The following DCDC1 variants were observed in gnomAD, a reference collection of about 807,000 sequenced individuals.
DCDC1 encodes doublecortin domain containing 1, also known as doublecortin domain-containing protein 1.
Under a neutral mutation model 178.3 loss-of-function variants are expected in DCDC1, and 200 were observed. The observed-to-expected ratio is 1.12, with a 90% CI of 1.00 to 1.26. The LOEUF (loss-of-function observed/expected upper bound fraction) is 1.26. Ranked by LOEUF, DCDC1 falls within the 50% of genes most tolerant of loss-of-function variation. The pLI is 0.00. For synonymous variants in DCDC1, 690 were observed against 604.8 expected (o/e 1.14, Z -2.07); for missense variants, 1,983 against 1,749.2 (o/e 1.13, Z -2.38).
chr11:31,201,325 A>C (rs917894931), intron 9 of DCDC1, among the ~76,000 whole-genome samples: 2 of 151,824 alleles, frequency 1.3e-5, no homozygotes, highest in African/African-American at 4.8e-5. Context: ...AATATGTATC[A>C]CCTATATACT....
chr11:30,886,721 T>A (rs999165531), intron 36 of DCDC1, among the ~76,000 whole-genome samples: 1 of 152,104 alleles, frequency 6.6e-6, no homozygotes, highest in East Asian at 1.9e-4. Flanking sequence ...TCAACATAAA[T>A]TTTGGGGCAC....
chr11:31,315,380 C>T (rs1396583156), intron 3 of DCDC1, among the ~76,000 whole-genome samples: 1 of 120,052 alleles, frequency 8.3e-6, no homozygotes, highest in African/African-American at 3.2e-5. Context: ...TACAGTGGTA[C>T]AGTCTCGGCT....
intron 36 of DCDC1, among the ~76,000 whole-genome samples, chr11:30,890,898 G>C (rs1398558122): frequency 6.6e-6 from 1 of 152,094 alleles, no homozygotes; most frequent in Admixed American, 6.5e-5. Flanking sequence ...TATTGATGAG[G>C]TTTTAAATTA....
At chr11:31,127,176 T>G (rs1961757911) in intron 11 of DCDC1, among the ~76,000 whole-genome samples, 1 of 152,190 alleles carries the variant, frequency 6.6e-6, no homozygotes, top group Admixed American at 6.6e-5. Flanking sequence ...TGTGAAAAAT[T>G]TGTTTCTTGG....
intron 9 of DCDC1, among the ~76,000 whole-genome samples, chr11:31,229,750 T>C (rs1350673155): frequency 6.6e-6 from 1 of 151,986 alleles, no homozygotes; most frequent in East Asian, 1.9e-4. Context: ...TTCTCCACAT[T>C]AACAAAATGA....
chr11:31,085,166 G>T (rs1957395235), intron 17 of DCDC1, among the ~76,000 whole-genome samples: 2 of 143,176 alleles, frequency 1.4e-5, no homozygotes, highest in African/African-American at 2.6e-5. Context: ...TGTTTTTAAG[G>T]TTTTTTTTTT....
rs1297212709 is a variant in DCDC1, at chr11:30,920,853, C to A, written c.3216G>T (p.Glu1072Asp). The change falls in exon 25 of 39, where the codon GAG (glutamate) becomes GAT (aspartate). Residue 1072 changes from glutamate to aspartate, a missense_variant. By Grantham distance (45) the Glu-to-Asp change is conservative (BLOSUM62 2). Transcript: ENST00000684477. The stretch of plus-strand genomic sequence containing the variant: ...TTTCTTCCGGTTCTGTAACTTGCTT[C>A]TCTTCTCCAAAAATTGCTACAGGTT... Reference protein sequence around the residue: ...VHKPVAIFGEEKQVTEPEEKQ... With the variant: ...VHKPVAIFGEDKQVTEPEEKQ... 1 of 1,613,616 alleles carries A rather than the reference C, an allele frequency of 6.2e-7. No individual in the cohort carries two copies. Among genetic ancestry groups the A allele is most frequent in the Admixed American group, 1.7e-5 (1 of 59,956 alleles).
intron 9 of DCDC1, among the ~76,000 whole-genome samples, chr11:31,161,043 A>AT (rs1386043865): frequency 6.6e-6 from 1 of 152,164 alleles, no homozygotes; most frequent in African/African-American, 2.4e-5. Context: ...CATTGCAGGA[A>AT]TTTTTTAAAA....
At chr11:31,127,094 T>G (rs570926429) in intron 11 of DCDC1, among the ~76,000 whole-genome samples, 1 of 152,338 alleles carries the variant, frequency 6.6e-6, no homozygotes, top group South Asian at 2.1e-4. Flanking sequence ...CTATTGCCAC[T>G]GTCTGTCAAC....
At chr11:30,902,094 A>C (rs1195363104) in intron 32 of DCDC1, among the ~76,000 whole-genome samples, 1 of 152,148 alleles carries the variant, frequency 6.6e-6, no homozygotes, top group African/African-American at 2.4e-5. Context: ...ATATATAGAT[A>C]TACTTGCTAT....
intron 38 of DCDC1, among the ~76,000 whole-genome samples, chr11:30,875,098 G>A (rs1941993883): frequency 6.6e-6 from 1 of 152,024 alleles, no homozygotes; most frequent in Non-Finnish European, 1.5e-5. Context: ...TTCCAGACTC[G>A]TAGAATTAGA....
At chr11:31,265,484 T>C (rs1945090115) in intron 8 of DCDC1, 23 bp downstream of exon 8, 6 of 1,286,106 alleles carry the variant, frequency 4.7e-6, no homozygotes, top group Admixed American at 2.6e-5. Flanking sequence ...TATCAAATGG[T>C]TTACAAAATC....
At chr11:31,355,600 C>A (rs751343750) in intron 1 of DCDC1, among the ~76,000 whole-genome samples, 1 of 151,970 alleles carries the variant, frequency 6.6e-6, no homozygotes. Flanking sequence ...CAGAGTCTTG[C>A]TCTGCTGCCT....
At chr11:31,087,752 T>C (rs1392872263) in intron 17 of DCDC1, among the ~76,000 whole-genome samples, 1 of 152,168 alleles carries the variant, frequency 6.6e-6, no homozygotes, top group Non-Finnish European at 1.5e-5. Context: ...TTATATAGAC[T>C]ATTTTGGTTA....
Position 31,328,107 on chromosome 11 carries a change from A to G in DCDC1, c.164+10T>C, listed in dbSNP as rs756366743. 3 of 1,586,168 alleles carry G rather than the reference A, an allele frequency of 1.9e-6. No individual in the cohort carries two copies. Among genetic ancestry groups the G allele is most frequent in the Non-Finnish European group, 2.6e-6 (3 of 1,162,360 alleles). ...GTATTTAGTTTAAGCTGCTGAAATA[A>G]TGTTCTTACCTTGGTAAATCATTCA... is the stretch of plus-strand genomic sequence containing the variant. On this transcript the variant is annotated intron_variant, in intron 3 of 38. Coordinates refer to ENST00000684477, the MANE Select transcript of DCDC1 (RefSeq NM_001387274.1).
chr11:31,031,456 T>C (rs1202578045), intron 20 of DCDC1, among the ~76,000 whole-genome samples: 3 of 152,136 alleles, frequency 2.0e-5, no homozygotes, highest in African/African-American at 7.2e-5. Context: ...TTTGGAGAGA[T>C]TTATTGTAAT....
chr11:30,905,186 T>G (rs1944974162), intron 30 of DCDC1, 22 bp from the exon 31 acceptor site: 1 of 1,550,712 alleles, frequency 6.4e-7, no homozygotes, highest in Non-Finnish European at 8.7e-7. Flanking sequence ...AAAAATAAAT[T>G]GTACATTTAC....
chr11:30,976,629 G>A (rs1376661857), intron 20 of DCDC1, among the ~76,000 whole-genome samples: 1 of 151,644 alleles, frequency 6.6e-6, no homozygotes, highest in Non-Finnish European at 1.5e-5. Flanking sequence ...AAACTACAAT[G>A]AGATATCATC....
At chr11:31,332,158 T>C (rs1252844420) in intron 2 of DCDC1, among the ~76,000 whole-genome samples, 1 of 152,226 alleles carries the variant, frequency 6.6e-6, no homozygotes, top group African/African-American at 2.4e-5. Context: ...TTTTCTAGTT[T>C]ATTTGCAAAG....
Sources: allele counts gnomAD v4.1 joint callset (sites outside exome capture counted in the v4.1 genomes callset), GRCh38; gene constraint gnomAD v4.1.1; transcripts MANE v1.5; gene names NCBI Gene and HGNC (gene_info 2026-07-23, HGNC 2026-07-21).